Variants in ARAP3 observed in about 807,000 individuals in gnomAD.
ARAP3 encodes the protein ArfGAP with RhoGAP domain, ankyrin repeat and PH domain 3.
ARAP3 carries 82 observed loss-of-function variants against 169.2 expected under a neutral mutation model. The observed-to-expected ratio is 0.48, with a 90% CI of 0.41 to 0.58. The LOEUF is 0.58. ARAP3 is among the 20% of genes least tolerant of loss of function. The probability of loss-of-function intolerance (pLI) is 0.00; values close to 1 mark genes in which losing one functional copy is unlikely to be tolerated. For missense variants in ARAP3, 1,764 were observed against 2,018.0 expected (o/e 0.87, Z 2.41); for synonymous variants, 791 against 800.3 (o/e 0.99, Z 0.20).
At position 141,654,044 on chromosome 5, in the gene ARAP3, G is replaced by T. The variant is rs1363848265; in HGVS notation, c.4541C>A (p.Ser1514Tyr). Residue 1514 changes from serine to tyrosine, a missense_variant, in exon 33 of 33, where the codon TCC becomes TAC. Coordinates refer to ENST00000239440, the MANE Select transcript of ARAP3 (RefSeq NM_022481.6). ...GSPSQPSSPQ[S>Y]PSPTGLPTQT... ...TGTTGGAAGGCCAGTGGGGCTGGGG[G>T]ATTGGGGGCTGGATGGCTGGGAAGG... is the stretch of plus-strand genomic sequence containing the variant. The T allele has an allele frequency of 3.8e-6, 6 of 1,599,392 alleles. No homozygotes were observed. The highest frequency in any genetic ancestry group is 3.4e-5 in the South Asian group (3 of 88,636).
rs1163406834 is a variant in ARAP3 at position 141,672,173 on chromosome 5, G to A, written c.1514C>T (p.Ala505Val). 2.5e-6 allele frequency: 4 copies of A among 1,614,148 alleles called. No homozygotes were observed. Among genetic ancestry groups the A allele is most frequent in the East Asian group, 2.2e-5 (1 of 44,870 alleles). Residue 505 changes from alanine (A) to valine (V), a missense_variant, in exon 10 of 33, where the codon GCG (alanine) becomes GTG (valine). Coordinates refer to ENST00000239440, the MANE Select transcript of ARAP3 (RefSeq NM_022481.6). This position sits in a 1 kb window ranked among gnomAD's most constrained non-coding sequence, Gnocchi z 4.9. Reference sequence around the variant, plus strand: ...ATCTGGGCGGGAGGACCCACAGTCCGCACACTGCCGGTTGGCCCGATTAGA... The same window carrying A: ...ATCTGGGCGGGAGGACCCACAGTCCACACACTGCCGGTTGGCCCGATTAGA... ...IWSNRANRQC[A>V]DCGSSRPDWA...
At chr5:141,679,355 T>C (rs1444516811) in intron 4 of ARAP3, among the ~76,000 whole-genome samples, 190 bp downstream of exon 4, 2 of 152,228 alleles carry the variant, frequency 1.3e-5, no homozygotes, top group African/African-American at 4.8e-5. Flanking sequence ...GTTTGTCTAC[T>C]TGTTTTATTC....
At chr5:141,657,160 TTCA>T (rs1327201865) in intron 25 of ARAP3, among the ~76,000 whole-genome samples, 11 of 152,182 alleles carry the variant, frequency 7.2e-5, no homozygotes, top group Non-Finnish European at 1.3e-4. Context: ...GGCAAGACCT[TTCA>T]AAAGTGGCAC....
chr5:141,655,247 CA>C lies in ARAP3; in HGVS notation c.4149+114del, dbSNP rs1596473607. 1.2e-5 allele frequency: 13 copies of C among 1,121,078 alleles called. No individual in the cohort carries two copies. The East Asian group carries it at 3.4e-4, about 29-fold the overall frequency. The allele number at this position is 1,121,078 out of a possible 1,614,324, so 69.4% of individuals were successfully genotyped here. ...GCCTACACACACACACACACACACA[CA>C]CACACACACACCCCCTGATGGCCTA... On this transcript the variant is annotated intron_variant, in intron 32 of 32. Transcript: ENST00000239440.
intron 17 of ARAP3, among the ~76,000 whole-genome samples, chr5:141,665,922 T>C (rs991202463): frequency 1.3e-5 from 2 of 151,382 alleles, no homozygotes; most frequent in African/African-American, 4.9e-5. Context: ...TCCCAGCTAC[T>C]TGGGAGGCTG....
Position 141,671,857 on chromosome 5 carries a change from T to C in ARAP3, c.1671+38A>G, listed in dbSNP as rs746343471. ...CCAAGGCCTGCTTCTGGACGCTCCCTTCTACGCCTCCCACCTTCTCCCTCT... is the reference window on the plus strand; with the variant it reads ...CCAAGGCCTGCTTCTGGACGCTCCCCTCTACGCCTCCCACCTTCTCCCTCT... On this transcript the variant is annotated intron_variant, in intron 11 of 32. Coordinates refer to ENST00000239440, the MANE Select transcript of ARAP3 (RefSeq NM_022481.6). This position sits in a 1 kb window ranked among gnomAD's most constrained non-coding sequence, Gnocchi z 4.9. 1 of 1,613,842 alleles carries C rather than the reference T, an allele frequency of 6.2e-7. No individual in the cohort carries two copies. Among genetic ancestry groups the C allele is most frequent in the Non-Finnish European group, 8.5e-7 (1 of 1,179,882 alleles).
Position 141,665,313 on chromosome 5 carries a change from T to C in ARAP3, c.2634A>G (p.Gly878=), listed in dbSNP as rs772039112. The part of the protein sequence containing the change: ...KKEHLVLVET[G]RTLYLQGEGR... ...GGTCAAGGGCAGGGGCAATTTACCT[T>C]CCTGTCTCCACCAGGACCAAATGCT... Residue 878 remains glycine, a splice_region_variant and synonymous_variant, in exon 18 of 33, where the codon GGA becomes GGG. Transcript: ENST00000239440. 1.9e-6 allele frequency: 3 copies of C among 1,614,068 alleles called. No individual in the cohort carries two copies. The highest frequency in any genetic ancestry group is 2.2e-5 in the East Asian group (1 of 44,882).
At chr5:141,666,015 G>C (rs2099910575) in intron 17 of ARAP3, among the ~76,000 whole-genome samples, 1 of 148,994 alleles carries the variant, frequency 6.7e-6, no homozygotes, top group Admixed American at 6.8e-5. Flanking sequence ...CTCCAGCCTG[G>C]GGGACAGAGC....
Position 141,662,079 on chromosome 5 carries a change from A to T in ARAP3, c.2977T>A (p.Ser993Thr). 4 of 1,614,194 alleles carry T rather than the reference A, an allele frequency of 2.5e-6. No homozygotes were observed. The South Asian group carries it at 3.3e-5, about 13-fold the overall frequency. ...FFRELDDPVT[S>T]ARLLPRWREA... is the part of the protein sequence containing the mutation. The stretch of plus-strand genomic sequence containing the variant: ...CTCCAGCGAGGCAGCAACCGTGCAG[A>T]GGTCACAGGGTCATCGAGCTCACGA... The change falls in exon 20 of 33, where the codon TCT becomes ACT. Residue 993 changes from serine (S) to threonine (T), a missense_variant. By Grantham distance (58) the Ser-to-Thr change is moderately conservative. Transcript: ENST00000239440.
intron 16 of ARAP3, among the ~76,000 whole-genome samples, chr5:141,667,187 G>A (rs973064974): frequency 7.9e-5 from 12 of 151,932 alleles, no homozygotes; most frequent in African/African-American, 2.2e-4. Flanking sequence ...GAGCCACTGC[G>A]CCCAGCCAAA....
chr5:141,674,345 A>G (rs1224998237), intron 4 of ARAP3, among the ~76,000 whole-genome samples: 1 of 151,778 alleles, frequency 6.6e-6, no homozygotes, highest in Non-Finnish European at 1.5e-5. Context: ...GCAGTCTCAA[A>G]CTTCTGGGCT....
At position 141,672,190 on chromosome 5, in the gene ARAP3, C is replaced by G. The variant is rs146597354; in HGVS notation, c.1497G>C (p.Arg499=). 6.2e-7 allele frequency: 1 copy of G among 1,614,196 alleles called. No individual in the cohort carries two copies. Among genetic ancestry groups the G allele is most frequent in the Admixed American group, 1.7e-5 (1 of 60,032 alleles). The part of the protein sequence containing the change: ...YEVAEKIWSN[R]ANRQCADCGS... The stretch of plus-strand genomic sequence containing the variant: ...CACAGTCCGCACACTGCCGGTTGGC[C>G]CGATTAGACCAGATCTTCTCAGCCA... The change falls in exon 10 of 33, where the codon CGG becomes CGC. Residue 499 remains arginine (R), a synonymous_variant. Coordinates refer to ENST00000239440, the MANE Select transcript of ARAP3 (RefSeq NM_022481.6). The surrounding 1 kb of genome is among the most constrained non-coding windows in gnomAD (Gnocchi z 4.9).
intron 32 of ARAP3, 104 bp downstream of exon 32, chr5:141,655,258 A>ACC (rs1554222000): frequency 1.4e-4 from 157 of 1,109,358 alleles, no homozygotes; most frequent in Middle Eastern, 8.5e-4. Flanking sequence ...ACACACACAC[A>ACC]CCCCCTGATG....
At position 141,653,565 on chromosome 5, in the gene ARAP3, C is replaced by G. The variant is rs372236677; in HGVS notation, c.*385G>C. 22 of 160,902 alleles carry G rather than the reference C, an allele frequency of 1.4e-4. No homozygotes were observed. The highest frequency in any genetic ancestry group is 4.3e-4 in the African/African-American group (18 of 41,800). 10.0% of individuals were successfully genotyped at this position (160,902 alleles called of 1,614,324 possible). ...TCACCCAGGCCTCTGGTTTCCAAAG[C>G]ATTTTTTTTCTTTAATGCAGTAAAA... is the stretch of plus-strand genomic sequence containing the variant. On this transcript the variant is annotated 3_prime_UTR_variant, in exon 33 of 33. Transcript: ENST00000239440.
rs1254064372 is a variant in ARAP3 at position 141,671,696 on chromosome 5, G to A, written c.1728C>T (p.Pro576=). ...RANRFWAGTL[P]PGEGLHPDAT... ...CATCTGGATGTAGTCCCTCACCTGG[G>A]GGTAGGGTCCCTGCCCAGAAGCGGT... Residue 576 remains proline, a synonymous_variant, in exon 12 of 33, where the codon CCC becomes CCT. Coordinates refer to ENST00000239440, the MANE Select transcript of ARAP3 (RefSeq NM_022481.6). This position sits in a 1 kb window ranked among gnomAD's most constrained non-coding sequence, Gnocchi z 4.9. The A allele has an allele frequency of 1.2e-6, 2 of 1,612,550 alleles. No individual in the cohort carries two copies. The highest frequency in any genetic ancestry group is 2.7e-5 in the African/African-American group (2 of 75,020).
rs540499185 is a variant in ARAP3 at position 141,669,329 on chromosome 5, G to A, written c.2352+380C>T. 4.9e-4 allele frequency among the ~76,000 whole-genome samples: 74 copies of A among 152,292 alleles called. 1 individual carries two copies. The highest frequency in any genetic ancestry group is 8.8e-5 in the Non-Finnish European group (6 of 68,026). ...TGCTGGAAAACTGGAGCAGAGGGTG[G>A]GTAGTGGGAATCAGAGCCAGCTTCT... is the stretch of plus-strand genomic sequence containing the variant. On this transcript the variant is annotated intron_variant, in intron 16 of 32. Transcript: ENST00000239440.
intron 17 of ARAP3, among the ~76,000 whole-genome samples, chr5:141,665,625 C>A (rs983557687): frequency 5.3e-5 from 8 of 152,080 alleles, no homozygotes; most frequent in Non-Finnish European, 8.8e-5. Context: ...TCTCTTGTTT[C>A]CAAAGTCCTA....
At chr5:141,659,526 G>A (rs778266617) in intron 22 of ARAP3, 50 bp from the exon 23 acceptor site, 85 of 1,589,064 alleles carry the variant, frequency 5.3e-5, no homozygotes, top group Non-Finnish European at 6.8e-5. Context: ...AGGATCTGCC[G>A]GGAAGATCTC....
chr5:141,672,906 G>A lies in ARAP3; in HGVS notation c.1113C>T (p.Cys371=), dbSNP rs1252076592. The A allele has an allele frequency of 1.2e-6, 2 of 1,610,310 alleles. No homozygotes were observed. The highest frequency in any genetic ancestry group is 1.7e-6 in the Non-Finnish European group (2 of 1,178,390). Residue 371 remains cysteine (C), a synonymous_variant, in exon 8 of 33, where the codon TGC becomes TGT. Coordinates refer to ENST00000239440, the MANE Select transcript of ARAP3 (RefSeq NM_022481.6). This position sits in a 1 kb window ranked among gnomAD's most constrained non-coding sequence, Gnocchi z 4.9. Reference sequence around the variant, plus strand: ...CCTTCAGACAGGACTGCAGCGTGGAGCACCACATGTCCCGCTGAGCTGGTG... The same window carrying A: ...CCTTCAGACAGGACTGCAGCGTGGAACACCACATGTCCCGCTGAGCTGGTG... ...TESEAQRDMW[C]STLQSCLKEQ... is the part of the protein sequence containing the mutation.
Sources: allele counts gnomAD v4.1 joint callset (sites outside exome capture counted in the v4.1 genomes callset), GRCh38; gene constraint gnomAD v4.1.1; non-coding constraint Gnocchi (gnomAD v3.1); transcripts MANE v1.5; gene names NCBI Gene and HGNC (gene_info 2026-07-23, HGNC 2026-07-21).